IL1RN: variants seen among roughly 807,000 people sequenced by gnomAD.
The protein encoded by IL1RN is interleukin 1 receptor antagonist.
A neutral mutation model predicts 13.7 loss-of-function variants in IL1RN; 10 were observed. The ratio of observed to expected loss-of-function variants is 0.73; its 90% confidence interval spans 0.45 to 1.24. The LOEUF (loss-of-function observed/expected upper bound fraction) is 1.24. Among genes scored for constraint, IL1RN ranks in the 50% most tolerant of loss-of-function variants. The probability of loss-of-function intolerance (pLI) is 0.00; values close to 1 mark genes in which losing one functional copy is unlikely to be tolerated. For missense variants in IL1RN, 213 were observed against 222.1 expected, an observed-to-expected ratio of 0.96 and a Z score of 0.26; for synonymous variants, 102 against 82.7, an observed-to-expected ratio of 1.23 and a Z score of -1.27.
At chr2:113,127,589 C>T (rs1020707994), upstream of IL1RN, 5 of 1,611,168 alleles carry the variant, frequency 3.1e-6, no homozygotes, top group Admixed American at 1.7e-5. Flanking sequence ...ACTCTGGGCC[C>T]GCAATGGCAG....
upstream of IL1RN, among the ~76,000 whole-genome samples, chr2:113,122,685 T>G (rs1277615476): frequency 6.6e-6 from 1 of 152,228 alleles, no homozygotes; most frequent in Non-Finnish European, 1.5e-5. Context: ...TTATTCAGTT[T>G]TTTAAAAGAT....
At chr2:113,100,352 C>T in the IL1RN span, among the ~76,000 whole-genome samples, 1 of 147,634 alleles carries the variant, frequency 6.8e-6, no homozygotes, top group African/African-American at 2.5e-5. Context: ...GGCTGGAAAA[C>T]TGGAGATTAT....
chr2:113,126,214 A>C (rs1293235899), upstream of IL1RN, among the ~76,000 whole-genome samples: 2 of 152,212 alleles, frequency 1.3e-5, no homozygotes, highest in East Asian at 3.8e-4. Context: ...GGTGATGTAT[A>C]TTAACCTGCC....
intron 2 of IL1RN, chr2:113,130,170 T>A (rs1162228221): frequency 5.7e-6 from 1 of 175,402 alleles, no homozygotes; most frequent in Admixed American, 5.4e-5. Context: ...TGGGATGATA[T>A]CAACTGGACA....
chr2:113,102,051 GC>G, the IL1RN span, among the ~76,000 whole-genome samples: 1 of 152,210 alleles, frequency 6.6e-6, no homozygotes, highest in Non-Finnish European at 1.5e-5. Context: ...ACAGGTGTGA[GC>G]CACCGTGCCC....
upstream of IL1RN, among the ~76,000 whole-genome samples, chr2:113,115,331 G>A (rs1016107484): frequency 6.6e-6 from 1 of 152,144 alleles, no homozygotes. Context: ...CATTCCCATA[G>A]TAGGAATTCC....
At position 113,132,714 on chromosome 2, in the gene IL1RN, T is replaced by G. The variant is rs1483517191; in HGVS notation, c.377T>G (p.Ile126Ser). Residue 126 changes from isoleucine to serine, a missense_variant, in exon 4 of 4, where the codon ATC (isoleucine) becomes AGC (serine). Transcript: ENST00000409930. ...AAGCAGGACAAGCGCTTCGCCTTCA[T>G]CCGCTCAGACAGTGGCCCCACCACC... ...NRKQDKRFAF[I>S]RSDSGPTTSF... 6.2e-7 allele frequency: 1 copy of G among 1,614,208 alleles called. No individual in the cohort carries two copies. The highest frequency in any genetic ancestry group is 1.3e-5 in the African/African-American group (1 of 75,054).
upstream of IL1RN, among the ~76,000 whole-genome samples, chr2:113,108,423 C>G (rs1456698525): frequency 6.6e-6 from 1 of 150,782 alleles, no homozygotes; most frequent in Non-Finnish European, 1.5e-5. Flanking sequence ...CCCCACCCCA[C>G]AACAGTCCCC....
At chr2:113,108,214 AGTC>A (rs1015528937), upstream of IL1RN, among the ~76,000 whole-genome samples, 3 of 151,138 alleles carry the variant, frequency 2.0e-5, no homozygotes, top group African/African-American at 4.9e-5. Context: ...TAACAGTGGC[AGTC>A]GAGTCCTTCT....
upstream of IL1RN, among the ~76,000 whole-genome samples, chr2:113,106,034 A>G (rs1035712896): frequency 2.6e-5 from 4 of 152,354 alleles, no homozygotes; most frequent in African/African-American, 9.6e-5. Flanking sequence ...ATTTTCTGCT[A>G]ATTCATTAGT....
chr2:113,115,281 G>A (rs375860643), upstream of IL1RN, among the ~76,000 whole-genome samples: 12 of 152,044 alleles, frequency 7.9e-5, no homozygotes, highest in East Asian at 3.9e-4. Context: ...GTCTTCTCAC[G>A]GCATCCAGGG....
chr2:113,118,177 T>C, intron 1 of IL1RN: 1 of 1,255,574 alleles, frequency 8.0e-7, no homozygotes, highest in South Asian at 1.2e-5. Flanking sequence ...CTGGGGGATC[T>C]GGGCACGGGG....
At chr2:113,113,977 C>T (rs1686546012), upstream of IL1RN, among the ~76,000 whole-genome samples, 1 of 152,108 alleles carries the variant, frequency 6.6e-6, no homozygotes, top group Non-Finnish European at 1.5e-5. Context: ...CTCCTCAGTT[C>T]CCTTATGGGT....
At chr2:113,124,756 T>A (rs1048411174), upstream of IL1RN, among the ~76,000 whole-genome samples, 100 of 152,170 alleles carry the variant, frequency 6.6e-4, no homozygotes, top group African/African-American at 2.4e-3. Flanking sequence ...CTCTGCACAT[T>A]GTGTGGGGTA....
intron 1 of IL1RN, 68 bp downstream of exon 1, chr2:113,127,808 C>G: frequency 6.7e-7 from 1 of 1,493,762 alleles, no homozygotes; most frequent in Non-Finnish European, 9.3e-7. Flanking sequence ...ATCACAGCTG[C>G]CAGGGGCTGC....
upstream of IL1RN, among the ~76,000 whole-genome samples, chr2:113,108,511 C>T (rs1481719433): frequency 2.0e-5 from 3 of 151,866 alleles, no homozygotes; most frequent in South Asian, 2.1e-4. Flanking sequence ...TTTTAAGGAC[C>T]CTTGTGATTA....
exon 1 of IL1RN, chr2:113,117,953 C>T (rs1192688168): frequency 1.0e-5 from 10 of 974,346 alleles, no homozygotes; most frequent in Non-Finnish European, 1.5e-5. Context: ...ACTTTATGGG[C>T]AGCAGCTCAG....
upstream of IL1RN, among the ~76,000 whole-genome samples, chr2:113,123,118 T>G (rs1686836485): frequency 6.6e-6 from 1 of 152,008 alleles, no homozygotes; most frequent in African/African-American, 2.4e-5. Context: ...AGAGCGAAAC[T>G]CCATCTCAAA....
upstream of IL1RN, chr2:113,127,531 G>T: frequency 2.0e-6 from 3 of 1,526,072 alleles, no homozygotes; most frequent in Non-Finnish European, 2.6e-6. Context: ...GTGGGGCAGG[G>T]TGGCAGACGC....
Sources: gnomAD v4.1 joint callset for allele counts (sites outside exome capture counted in the v4.1 genomes callset) on GRCh38, gnomAD v4.1.1 for gene constraint, MANE v1.5 for transcripts, NCBI Gene and HGNC (gene_info 2026-07-23, HGNC 2026-07-21) for gene names.